The following OSBPL6 variants were observed in gnomAD, a reference collection of about 807,000 sequenced individuals.
OSBPL6 encodes oxysterol binding protein like 6.
OSBPL6 carries 49 observed loss-of-function variants against 125.8 expected under a neutral mutation model. The ratio of observed to expected loss-of-function variants is 0.39; its 90% CI spans 0.31 to 0.49. OSBPL6 has a LOEUF of 0.49. OSBPL6 is among the 20% of genes least tolerant of loss of function. The pLI, the probability that OSBPL6 is intolerant of heterozygous loss-of-function variation, is 0.88. For synonymous variants in OSBPL6, 394 were observed against 391.8 expected (o/e 1.01, Z -0.07); for missense variants, 986 against 1,135.4 (o/e 0.87, Z 1.89).
Position 178,401,693 on chromosome 2 carries a change from C to T in OSBPL6, c.*6134C>T, listed in dbSNP as rs2154123149. 1 of 152,236 alleles carries T rather than the reference C, an allele frequency of 6.6e-6. No homozygotes were observed. The highest frequency in any genetic ancestry group is 2.1e-4 in the South Asian group (1 of 4,816). 9.4% of individuals were successfully genotyped at this position (152,236 alleles called of 1,614,324 possible). A position where few individuals can be genotyped will look rare whatever the true frequency, so the allele number is the denominator to read the frequency against. ...GCATATGGTTGGATCCCAGGTGGGC[C>T]ACGAAAATCATCTTGGATATTTGTT... On this transcript the variant is annotated 3_prime_UTR_variant, in exon 25 of 25. Coordinates refer to ENST00000190611, the MANE Select transcript of OSBPL6 (RefSeq NM_032523.4).
intron 2 of OSBPL6, among the ~76,000 whole-genome samples, chr2:178,304,516 A>T (rs1477807077): frequency 6.6e-6 from 1 of 152,178 alleles, no homozygotes; most frequent in Admixed American, 6.5e-5. Flanking sequence ...TCCTCCCATG[A>T]CATATGGGGA....
At chr2:178,209,729 A>G (rs2153952705) in intron 1 of OSBPL6, among the ~76,000 whole-genome samples, 1 of 151,992 alleles carries the variant, frequency 6.6e-6, no homozygotes, top group South Asian at 2.1e-4. Context: ...GGCTTCATGG[A>G]CAGAGCTGGT....
intron 13 of OSBPL6, among the ~76,000 whole-genome samples, chr2:178,370,671 C>T (rs1693300702): frequency 6.6e-6 from 1 of 152,138 alleles, no homozygotes; most frequent in Admixed American, 6.5e-5. Context: ...TTCCTGTTTT[C>T]TCAGATCGTC....
At chr2:178,210,505 G>T (rs1008528705) in intron 1 of OSBPL6, among the ~76,000 whole-genome samples, 28 of 151,986 alleles carry the variant, frequency 1.8e-4, no homozygotes, top group African/African-American at 6.0e-4. Flanking sequence ...ATATACAATG[G>T]ACATAAAAAT....
At chr2:178,284,851 C>T (rs1684551774) in intron 1 of OSBPL6, 76 bp from the exon 2 acceptor site, 2 of 391,622 alleles carry the variant, frequency 5.1e-6, no homozygotes. Flanking sequence ...TTCTGATTGG[C>T]CATAGGCAGT....
chr2:178,335,986 C>T (rs1029801586), intron 8 of OSBPL6, among the ~76,000 whole-genome samples: 61 of 152,276 alleles, frequency 4.0e-4, no homozygotes, highest in African/African-American at 1.3e-3. Context: ...GCAGTAAGGA[C>T]ACTGCAAATA....
chr2:178,327,655 A>ACCCAGGGGCT (rs1441021412), intron 4 of OSBPL6, among the ~76,000 whole-genome samples: 2 of 151,520 alleles, frequency 1.3e-5, no homozygotes, highest in African/African-American at 2.4e-5. Flanking sequence ...AAGAAATGCA[A>ACCCAGGGGCT]CCCAGGGGCT....
At chr2:178,384,220 G>A in intron 18 of OSBPL6, 44 bp downstream of exon 18, 2 of 1,591,116 alleles carry the variant, frequency 1.3e-6, no homozygotes, top group Non-Finnish European at 8.6e-7. Flanking sequence ...TAGGTAAGAG[G>A]ACAGTTCGGT....
intron 1 of OSBPL6, among the ~76,000 whole-genome samples, chr2:178,261,244 C>A (rs1185956693): frequency 6.6e-6 from 1 of 151,882 alleles, no homozygotes; most frequent in Non-Finnish European, 1.5e-5. Context: ...TATTAGAAAT[C>A]AAAATGGTGG....
chr2:178,382,657 A>G (rs755298904), intron 16 of OSBPL6, 150 bp downstream of exon 16: 3 of 1,453,416 alleles, frequency 2.1e-6, no homozygotes, highest in East Asian at 2.9e-5. Context: ...TCTATTTTGT[A>G]TGATCTCTTG....
At chr2:178,383,972 A>T in intron 17 of OSBPL6, 67 bp from the exon 18 acceptor site, 2 of 1,545,544 alleles carry the variant, frequency 1.3e-6, no homozygotes, top group Non-Finnish European at 1.8e-6. Flanking sequence ...ATCTAGAGGG[A>T]TGAGGAACAA....
intron 1 of OSBPL6, among the ~76,000 whole-genome samples, chr2:178,208,490 A>G (rs956260109): frequency 6.6e-6 from 1 of 152,062 alleles, no homozygotes; most frequent in African/African-American, 2.4e-5. Context: ...ATCCTCCCTC[A>G]AGATCCTTTC....
chr2:178,317,889 A>G (rs1687898901), intron 3 of OSBPL6, among the ~76,000 whole-genome samples: 1 of 152,212 alleles, frequency 6.6e-6, no homozygotes, highest in Non-Finnish European at 1.5e-5. Flanking sequence ...AACTGACTCT[A>G]CATGTTCCAG....
chr2:178,194,514 C>G lies in OSBPL6; in HGVS notation c.-511C>G, dbSNP rs1309113386. On this transcript the variant is annotated 5_prime_UTR_variant, in exon 1 of 25. Coordinates refer to ENST00000190611, the MANE Select transcript of OSBPL6 (RefSeq NM_032523.4). The stretch of plus-strand genomic sequence containing the variant: ...GCAGCACGGTCGCCGCCGCCGCTGT[C>G]GGTGCTGGAGATCGCGGCTCGGTGC... 1.3e-5 allele frequency: 2 copies of G among 151,974 alleles called. No individual in the cohort carries two copies. The highest frequency in any genetic ancestry group is 1.9e-4 in the East Asian group (1 of 5,130). The allele number at this position is 151,974 out of a possible 1,614,324, so 9.4% of individuals were successfully genotyped here.
intron 3 of OSBPL6, among the ~76,000 whole-genome samples, chr2:178,321,293 A>G (rs1688224823): frequency 6.6e-6 from 1 of 152,166 alleles, no homozygotes; most frequent in Admixed American, 6.5e-5. Flanking sequence ...GGGGTGGATT[A>G]CGGGTAGAGA....
intron 6 of OSBPL6, 93 bp downstream of exon 6, chr2:178,331,698 T>TA: frequency 7.3e-7 from 1 of 1,363,606 alleles, no homozygotes; most frequent in East Asian, 2.3e-5. Flanking sequence ...GTGCCATAGT[T>TA]ACCAGCTTTG....
At chr2:178,233,153 C>A (rs1304310041) in intron 1 of OSBPL6, among the ~76,000 whole-genome samples, 2 of 152,168 alleles carry the variant, frequency 1.3e-5, no homozygotes, top group East Asian at 3.8e-4. Context: ...TTCAAGAAAC[C>A]TGTTCGATAT....
chr2:178,350,339 A>G (rs1691138555), intron 12 of OSBPL6, among the ~76,000 whole-genome samples: 1 of 152,174 alleles, frequency 6.6e-6, no homozygotes. Context: ...TTAAGATAGT[A>G]TCTTCTCAGG....
At chr2:178,216,675 A>T (rs1452231766) in intron 1 of OSBPL6, among the ~76,000 whole-genome samples, 1 of 152,216 alleles carries the variant, frequency 6.6e-6, no homozygotes, top group Non-Finnish European at 1.5e-5. Context: ...GAGGAACAGG[A>T]TATTGGCATA....
Sources: gnomAD v4.1 joint callset for allele counts (sites outside exome capture counted in the v4.1 genomes callset) on GRCh38, gnomAD v4.1.1 for gene constraint, MANE v1.5 for transcripts, NCBI Gene and HGNC (gene_info 2026-07-23, HGNC 2026-07-21) for gene names.